The following FAF1 variants were observed in gnomAD, a reference collection of about 807,000 sequenced individuals.
FAF1 encodes the protein Fas associated factor 1.
A neutral mutation model predicts 92.5 loss-of-function variants in FAF1; 25 were observed. The ratio of observed to expected loss-of-function variants is 0.27; its 90% CI spans 0.20 to 0.38. The LOEUF is 0.38. Ranked by LOEUF, FAF1 falls within the 10% of genes least tolerant of loss-of-function variation. FAF1 has a pLI of 1.00. For missense variants in FAF1, 636 were observed against 793.3 expected, an observed-to-expected ratio of 0.80 and a Z score of 2.38; for synonymous variants, 234 against 273.2, an observed-to-expected ratio of 0.86 and a Z score of 1.42.
intron 2 of FAF1, among the ~76,000 whole-genome samples, chr1:50,834,582 A>C (rs1225181616): frequency 1.3e-5 from 2 of 152,234 alleles, no homozygotes; most frequent in Non-Finnish European, 2.9e-5. Flanking sequence ...TAAGTGGCAG[A>C]GCCAAAACTA....
chr1:50,851,946 T>C (rs1002433199), intron 2 of FAF1, among the ~76,000 whole-genome samples: 2 of 152,146 alleles, frequency 1.3e-5, no homozygotes, highest in Non-Finnish European at 2.9e-5. Flanking sequence ...TATTTAATTA[T>C]AGTTTAGCAG....
intron 2 of FAF1, among the ~76,000 whole-genome samples, chr1:50,828,601 T>C (rs1644125646): frequency 6.6e-6 from 1 of 152,164 alleles, no homozygotes; most frequent in Non-Finnish European, 1.5e-5. Flanking sequence ...GATGGTTAAA[T>C]GGATACCCCA....
chr1:50,475,014 C>T (rs537240909), intron 18 of FAF1, among the ~76,000 whole-genome samples: 1 of 152,318 alleles, frequency 6.6e-6, no homozygotes, highest in Non-Finnish European at 1.5e-5. Context: ...TCTGTAACTT[C>T]CCAGGGTAGT....
chr1:50,759,596 G>A (rs1422070149), intron 4 of FAF1, among the ~76,000 whole-genome samples: 1 of 151,950 alleles, frequency 6.6e-6, no homozygotes, highest in Non-Finnish European at 1.5e-5. Flanking sequence ...ATTGTGAATA[G>A]TGCCGCAATA....
intron 15 of FAF1, among the ~76,000 whole-genome samples, chr1:50,500,439 T>C (rs1646970302): frequency 6.6e-6 from 1 of 152,136 alleles, no homozygotes; most frequent in Admixed American, 6.5e-5. Flanking sequence ...CAAATAGCAC[T>C]AGAACTACTG....
chr1:50,664,059 G>A (rs537589575), intron 7 of FAF1, among the ~76,000 whole-genome samples: 6 of 145,906 alleles, frequency 4.1e-5, no homozygotes, highest in South Asian at 2.2e-4. Context: ...GTGTAGTGAC[G>A]CGATCTTGGC....
At chr1:50,734,378 T>A (rs1289656052) in intron 6 of FAF1, among the ~76,000 whole-genome samples, 2 of 152,216 alleles carry the variant, frequency 1.3e-5, no homozygotes, top group African/African-American at 4.8e-5. Flanking sequence ...ATGGCTTTTT[T>A]AATAATCAGC....
At chr1:50,948,370 G>A (rs1431258111) in intron 1 of FAF1, among the ~76,000 whole-genome samples, 12 of 152,168 alleles carry the variant, frequency 7.9e-5, no homozygotes, top group Non-Finnish European at 1.3e-4. Flanking sequence ...GCCAGCATCC[G>A]CTAGCTTCTG....
At position 50,941,366 on chromosome 1, in the gene FAF1, C is replaced by T. The variant is rs188189473; in HGVS notation, c.45+18401G>A. On this transcript the variant is annotated intron_variant, in intron 1 of 18. Transcript: ENST00000396153. ...CTGAGACTACAGGTGCCAGCCACCA[C>T]GCCCAGCTAATTTTTGTATTTTCTT... Among the ~76,000 whole-genome samples the T allele has an allele frequency of 2.7e-3, 410 of 152,150 alleles. 2 individuals are homozygous for T. Among genetic ancestry groups the T allele is most frequent in the Middle Eastern group, 0.017 (5 of 294 alleles).
At chr1:50,952,128 C>T (rs897667508) in intron 1 of FAF1, among the ~76,000 whole-genome samples, 6 of 152,344 alleles carry the variant, frequency 3.9e-5, no homozygotes, top group Non-Finnish European at 7.4e-5. Flanking sequence ...TCCCTCATCT[C>T]CCGTTTCCAC....
chr1:50,631,390 T>G (rs2124209747), intron 8 of FAF1, among the ~76,000 whole-genome samples: 1 of 152,344 alleles, frequency 6.6e-6, no homozygotes, highest in East Asian at 1.9e-4. Context: ...GTATCCATGC[T>G]GTATACTCAA....
At chr1:50,500,224 TAAC>T (rs1397173585) in intron 15 of FAF1, among the ~76,000 whole-genome samples, 1 of 151,902 alleles carries the variant, frequency 6.6e-6, no homozygotes, top group Non-Finnish European at 1.5e-5. Flanking sequence ...AAAAATAAAA[TAAC>T]TAAATTAGAG....
In FAF1 at chr1:50,931,892, AATAATAAT is replaced by A. The variant is rs1375938260; in HGVS notation, c.45+27867_45+27874del. ...CTGTCTCAAAAATAAATAAATAAAT[AATAATAAT>A]AATAATAATAATAATAATAATAATA... On this transcript the variant is annotated intron_variant, in intron 1 of 18. Coordinates refer to ENST00000396153, the MANE Select transcript of FAF1 (RefSeq NM_007051.3). 2.3e-3 allele frequency among the ~76,000 whole-genome samples: 259 copies of A among 113,554 alleles called. 2 individuals carry two copies. Among genetic ancestry groups the A allele is most frequent in the Middle Eastern group, 8.5e-3 (2 of 236 alleles). The allele number at this position is 113,554 out of a possible 152,430, so 74.5% of individuals were successfully genotyped here.
At chr1:50,658,734 G>C (rs1314488774) in intron 7 of FAF1, among the ~76,000 whole-genome samples, 1 of 152,246 alleles carries the variant, frequency 6.6e-6, no homozygotes, top group African/African-American at 2.4e-5. Context: ...ACTTGGCTGA[G>C]AGAGTCCCAT....
intron 1 of FAF1, among the ~76,000 whole-genome samples, chr1:50,946,140 T>C (rs931424500): frequency 7.9e-5 from 12 of 152,254 alleles, no homozygotes; most frequent in African/African-American, 2.7e-4. Context: ...ACAACTTTCT[T>C]TTCTGCCCAC....
At chr1:50,867,386 G>A (rs1644490064) in intron 1 of FAF1, among the ~76,000 whole-genome samples, 1 of 152,054 alleles carries the variant, frequency 6.6e-6, no homozygotes, top group African/African-American at 2.4e-5. Flanking sequence ...ACAATCAGCA[G>A]CATAAACTGA....
At chr1:50,645,528 T>A (rs1654537822) in intron 8 of FAF1, among the ~76,000 whole-genome samples, 1 of 152,136 alleles carries the variant, frequency 6.6e-6, no homozygotes, top group South Asian at 2.1e-4. Context: ...CACAGTACAT[T>A]AAGAAATCAA....
intron 4 of FAF1, among the ~76,000 whole-genome samples, chr1:50,751,346 T>C (rs1006817190): frequency 8.5e-5 from 13 of 152,094 alleles, no homozygotes; most frequent in African/African-American, 3.1e-4. Flanking sequence ...GATTGTTTGT[T>C]TGTTTTGAGA....
chr1:50,836,170 G>GATTTTTTTTTTTT (rs1644200322), intron 2 of FAF1, among the ~76,000 whole-genome samples: 1 of 98,526 alleles, frequency 1.0e-5, no homozygotes, highest in Non-Finnish European at 2.0e-5. Flanking sequence ...TTTTGTTTCT[G>GATTTTTTTTTTTT]TTTTTTTTTT....
Sources: allele counts gnomAD v4.1 joint callset (sites outside exome capture counted in the v4.1 genomes callset), GRCh38; gene constraint gnomAD v4.1.1; transcripts MANE v1.5; gene names NCBI Gene and HGNC (gene_info 2026-07-23, HGNC 2026-07-21).